The following NTM variants were observed in gnomAD, a reference collection of about 807,000 sequenced individuals.
NTM encodes the protein neurotrimin.
In NTM, 13 loss-of-function variants were observed where a neutral mutation model predicts 42.1. The ratio of observed to expected loss-of-function variants is 0.31; its 90% CI spans 0.20 to 0.49. The LOEUF (loss-of-function observed/expected upper bound fraction) is 0.49, where lower values mean the gene tolerates loss of function less well. NTM is among the 20% of genes least tolerant of loss of function. NTM has a pLI of 0.99. For missense variants in NTM, 373 were observed against 452.8 expected (o/e 0.82, Z 1.60); for synonymous variants, 187 against 179.2 (o/e 1.04, Z -0.35).
At chr11:132,289,696 T>C (rs1399344915) in intron 4 of NTM, among the ~76,000 whole-genome samples, 1 of 152,246 alleles carries the variant, frequency 6.6e-6, no homozygotes, top group Non-Finnish European at 1.5e-5. Flanking sequence ...GAGGCTCCTG[T>C]ACTCAGTTCC....
At chr11:131,935,176 G>A (rs571315971) in intron 2 of NTM, among the ~76,000 whole-genome samples, 4 of 152,154 alleles carry the variant, frequency 2.6e-5, no homozygotes, top group Non-Finnish European at 5.9e-5. Context: ...TTATATTCTC[G>A]GCTACCTTAA....
At chr11:131,912,696 C>T (rs1464708214) in intron 2 of NTM, among the ~76,000 whole-genome samples, 11 of 152,150 alleles carry the variant, frequency 7.2e-5, no homozygotes, top group South Asian at 4.1e-4. Context: ...CCAAACTAAG[C>T]GACAGAACTA....
intron 4 of NTM, among the ~76,000 whole-genome samples, chr11:132,274,660 T>C (rs2093635312): frequency 6.6e-6 from 1 of 152,184 alleles, no homozygotes; most frequent in South Asian, 2.1e-4. Flanking sequence ...TCTTTCAAAA[T>C]TTATTGGAAC....
At chr11:131,555,305 C>G (rs1313337641) in intron 1 of NTM, among the ~76,000 whole-genome samples, 1 of 152,184 alleles carries the variant, frequency 6.6e-6, no homozygotes, top group Non-Finnish European at 1.5e-5. Context: ...TGGTTTGGTT[C>G]CTTTTTGTCT....
At chr11:132,187,407 C>T (rs916129155) in intron 3 of NTM, among the ~76,000 whole-genome samples, 52 of 152,108 alleles carry the variant, frequency 3.4e-4, no homozygotes, top group African/African-American at 1.3e-3. Flanking sequence ...CCCACGTATC[C>T]CTTTAGGGTG....
At chr11:131,494,672 G>A (rs903426023) in intron 1 of NTM, among the ~76,000 whole-genome samples, 2 of 152,170 alleles carry the variant, frequency 1.3e-5, no homozygotes, top group African/African-American at 4.8e-5. Context: ...ATAAATGGAT[G>A]AATGTTTCAT....
intron 2 of NTM, among the ~76,000 whole-genome samples, chr11:132,088,631 T>C (rs1298243677): frequency 6.6e-6 from 1 of 152,236 alleles, no homozygotes; most frequent in African/African-American, 2.4e-5. Flanking sequence ...CTGGTGGCTC[T>C]ACCCAATTCC....
At chr11:132,321,935 A>T (rs1226704501) in intron 7 of NTM, among the ~76,000 whole-genome samples, 1 of 144,348 alleles carries the variant, frequency 6.9e-6, no homozygotes. Context: ...ACTAAGCTTC[A>T]TAAGTGAAGG....
At chr11:131,521,383 CTTTTTTTTTTTTTTTTTT>C (rs773233050) in intron 1 of NTM, among the ~76,000 whole-genome samples, 597 of 45,664 alleles carry the variant, frequency 0.013, 2 homozygotes, top group Non-Finnish European at 0.018. Flanking sequence ...AGGTGCCAGT[CTTTTTTTTTTTTTTTTTT>C]TTTTTTTTTT....
At chr11:132,194,345 A>T (rs1380503307) in intron 3 of NTM, among the ~76,000 whole-genome samples, 2 of 152,138 alleles carry the variant, frequency 1.3e-5, no homozygotes, top group East Asian at 3.9e-4. Context: ...TTCACTAAAT[A>T]GAATTAAAAA....
At chr11:132,194,898 C>T (rs545282235) in intron 3 of NTM, among the ~76,000 whole-genome samples, 1 of 147,348 alleles carries the variant, frequency 6.8e-6, no homozygotes, top group East Asian at 2.1e-4. Context: ...TCTCAGCTCA[C>T]TGCAACCTCC....
intron 4 of NTM, among the ~76,000 whole-genome samples, chr11:132,219,529 A>G (rs917963509): frequency 1.3e-5 from 2 of 151,678 alleles, no homozygotes; most frequent in African/African-American, 4.8e-5. Flanking sequence ...TATATTATTA[A>G]AGGTAATATA....
At chr11:131,406,600 A>G (rs955301004) in intron 1 of NTM, among the ~76,000 whole-genome samples, 1 of 152,226 alleles carries the variant, frequency 6.6e-6, no homozygotes, top group African/African-American at 2.4e-5. Context: ...ATAATGTTTA[A>G]TTTATAAATT....
At chr11:131,707,957 T>C (rs1355722191) in intron 1 of NTM, among the ~76,000 whole-genome samples, 5 of 152,128 alleles carry the variant, frequency 3.3e-5, no homozygotes, top group African/African-American at 1.2e-4. Context: ...GCATCCAAAT[T>C]GAAAAAGAAG....
At chr11:131,678,370 G>A (rs183606013) in intron 1 of NTM, among the ~76,000 whole-genome samples, 45 of 152,354 alleles carry the variant, frequency 3.0e-4, no homozygotes, top group South Asian at 4.1e-4. Context: ...CTGGCCCAGC[G>A]CTGACCACTC....
chr11:131,734,672 C>G (rs2080183896), intron 1 of NTM, among the ~76,000 whole-genome samples: 1 of 152,176 alleles, frequency 6.6e-6, no homozygotes, highest in Admixed American at 6.5e-5. Flanking sequence ...CCCAGCTCTT[C>G]CCCTTTGCTT....
intron 1 of NTM, among the ~76,000 whole-genome samples, chr11:131,579,790 G>A (rs1441657720): frequency 6.6e-6 from 1 of 152,188 alleles, no homozygotes; most frequent in Admixed American, 6.5e-5. Context: ...AATGTGCTCA[G>A]GAGTATTCCA....
chr11:131,816,970 C>G (rs544949690), intron 1 of NTM, among the ~76,000 whole-genome samples: 8 of 152,262 alleles, frequency 5.3e-5, no homozygotes, highest in Admixed American at 5.2e-4. Context: ...ACTTAATCTT[C>G]CCTGAAATTT....
At chr11:131,489,394 C>A (rs1194736152) in intron 1 of NTM, among the ~76,000 whole-genome samples, 1 of 152,156 alleles carries the variant, frequency 6.6e-6, no homozygotes, top group Non-Finnish European at 1.5e-5. Context: ...ATATTATGTG[C>A]CATTCATTGA....
Sources: gnomAD v4.1 joint callset for allele counts (sites outside exome capture counted in the v4.1 genomes callset) on GRCh38, gnomAD v4.1.1 for gene constraint, MANE v1.5 for transcripts, NCBI Gene and HGNC (gene_info 2026-07-23, HGNC 2026-07-21) for gene names.